Variants in PPP1R14C observed in about 807,000 individuals in gnomAD.
PPP1R14C encodes protein phosphatase 1 regulatory inhibitor subunit 14C.
Under a neutral mutation model 20.4 loss-of-function variants are expected in PPP1R14C, and 16 were observed. That is an observed-to-expected ratio of 0.78 (90% CI 0.53 to 1.19). The LOEUF is 1.19. PPP1R14C is among the 50% of genes most tolerant of loss of function. The pLI, the probability that PPP1R14C is intolerant of heterozygous loss-of-function variation, is 0.00. For synonymous variants in PPP1R14C, 91 were observed against 91.0 expected, an observed-to-expected ratio of 1.00 and a Z score of 0.00; for missense variants, 211 against 220.1, an observed-to-expected ratio of 0.96 and a Z score of 0.26.
intron 3 of PPP1R14C, among the ~76,000 whole-genome samples, chr6:150,221,808 AT>A (rs11347707): frequency 0.12 from 17,858 of 151,802 alleles, 1,979 homozygotes; most frequent in African/African-American, 0.29. Context: ...TTTTATTTTA[AT>A]TTTTTTTGAG....
At chr6:150,169,381 G>T (rs1264621917) in intron 1 of PPP1R14C, among the ~76,000 whole-genome samples, 2 of 151,704 alleles carry the variant, frequency 1.3e-5, no homozygotes, top group African/African-American at 4.8e-5. Flanking sequence ...AAGTAGAAGA[G>T]GAAAAAAAAT....
At position 150,143,947 on chromosome 6, in the gene PPP1R14C, G is replaced by A. The variant is rs1038317408; in HGVS notation, c.306+449G>A. On this transcript the variant is annotated intron_variant, in intron 1 of 3. Transcript: ENST00000361131. The surrounding 1 kb of genome is among the most constrained non-coding windows in gnomAD (Gnocchi z 5.6). Reference sequence around the variant, plus strand: ...CTGATTTTTGTGGAGAACGAGCAGGGAAGGAAGGAAGCTGCCTCGTGGAAA... The same window carrying A: ...CTGATTTTTGTGGAGAACGAGCAGGAAAGGAAGGAAGCTGCCTCGTGGAAA... Among the ~76,000 whole-genome samples the A allele has an allele frequency of 1.3e-5, 2 of 152,202 alleles. No homozygotes were observed. The highest frequency in any genetic ancestry group is 4.8e-5 in the African/African-American group (2 of 41,462).
rs150362008 is a variant in PPP1R14C, at chr6:150,231,188, C to T, written c.423+14332C>T. Among the ~76,000 whole-genome samples, 154 of 152,310 alleles carry T rather than the reference C, an allele frequency of 1.0e-3. 2 individuals are homozygous for T. The highest frequency in any genetic ancestry group is 3.4e-3 in the African/African-American group (142 of 41,576). ...GACCTTGTGTTTTCATGGCCGCTGC[C>T]GCATCCCCTCCGAAACGTGTTTGGA... On this transcript the variant is annotated intron_variant, in intron 3 of 3. Coordinates refer to ENST00000361131, the MANE Select transcript of PPP1R14C (RefSeq NM_030949.3).
chr6:150,205,770 C>T (rs78296776), intron 1 of PPP1R14C, among the ~76,000 whole-genome samples: 15,845 of 144,320 alleles, frequency 0.11, 892 homozygotes, highest in Middle Eastern at 0.21. Flanking sequence ...CCATCCTGGG[C>T]GACAGAATGA....
intron 1 of PPP1R14C, among the ~76,000 whole-genome samples, chr6:150,181,778 C>T (rs1777624247): frequency 6.6e-6 from 1 of 152,146 alleles, no homozygotes; most frequent in Non-Finnish European, 1.5e-5. Flanking sequence ...ACATAGCATA[C>T]TTTTTGTGTA....
At chr6:150,149,122 A>G (rs1777212991) in intron 1 of PPP1R14C, among the ~76,000 whole-genome samples, 1 of 152,188 alleles carries the variant, frequency 6.6e-6, no homozygotes, top group African/African-American at 2.4e-5. Context: ...AGGAAAGAAA[A>G]CTGCTTAACA....
intron 3 of PPP1R14C, among the ~76,000 whole-genome samples, chr6:150,235,686 C>T (rs537082481): frequency 3.3e-5 from 5 of 152,132 alleles, no homozygotes; most frequent in African/African-American, 1.2e-4. Context: ...TTCCTTTCCT[C>T]CTTCCCCTCC....
intron 1 of PPP1R14C, among the ~76,000 whole-genome samples, chr6:150,161,832 CA>C (rs1445436139): frequency 6.6e-6 from 1 of 152,182 alleles, no homozygotes; most frequent in Non-Finnish European, 1.5e-5. Context: ...ATTGTTTTGT[CA>C]CATTCTGCAT....
intron 1 of PPP1R14C, among the ~76,000 whole-genome samples, chr6:150,183,916 G>A (rs965946277): frequency 2.6e-5 from 4 of 152,234 alleles, no homozygotes; most frequent in African/African-American, 9.6e-5. Flanking sequence ...ACATCTGAGA[G>A]AAACAGCAGA....
At chr6:150,209,947 G>A (rs1778002211) in intron 1 of PPP1R14C, among the ~76,000 whole-genome samples, 1 of 151,828 alleles carries the variant, frequency 6.6e-6, no homozygotes, top group East Asian at 1.9e-4. Flanking sequence ...GTGTGTATGA[G>A]TGGTGTGGAT....
At chr6:150,240,833 C>T (rs976469660) in intron 3 of PPP1R14C, among the ~76,000 whole-genome samples, 1 of 152,224 alleles carries the variant, frequency 6.6e-6, no homozygotes, top group African/African-American at 2.4e-5. Context: ...CCTGCCTTAA[C>T]ATTGTAATAT....
chr6:150,165,127 A>C (rs1202649636), intron 1 of PPP1R14C, among the ~76,000 whole-genome samples: 1 of 152,254 alleles, frequency 6.6e-6, no homozygotes, highest in Non-Finnish European at 1.5e-5. Flanking sequence ...AAACTGACTA[A>C]GACAGGAGAC....
chr6:150,213,345 TAACACACA>T (rs752345433), intron 1 of PPP1R14C, among the ~76,000 whole-genome samples: 4 of 109,842 alleles, frequency 3.6e-5, no homozygotes, highest in African/African-American at 1.5e-4. Flanking sequence ...TTTTGTGTTG[TAACACACA>T]CACACACACA....
chr6:150,218,144 C>T (rs1778117963), intron 3 of PPP1R14C, among the ~76,000 whole-genome samples: 3 of 152,130 alleles, frequency 2.0e-5, no homozygotes, highest in Admixed American at 6.5e-5. Context: ...TGGCTCATGC[C>T]TGTGATCACA....
chr6:150,204,296 A>G lies in PPP1R14C; in HGVS notation c.307-10448A>G, dbSNP rs535818521. Among the ~76,000 whole-genome samples, 5 of 152,360 alleles carry G rather than the reference A, an allele frequency of 3.3e-5. No homozygotes were observed. The East Asian group carries it at 9.6e-4, about 29-fold the overall frequency. On this transcript the variant is annotated intron_variant, in intron 1 of 3. Coordinates refer to ENST00000361131, the MANE Select transcript of PPP1R14C (RefSeq NM_030949.3). ...CGTCACGGGGGCATTGTTAACAACC[A>G]GCTGTGCGTGTTTAGTGTTCATAAG...
intron 3 of PPP1R14C, among the ~76,000 whole-genome samples, chr6:150,223,934 C>A (rs540740745): frequency 4.6e-5 from 7 of 152,274 alleles, no homozygotes; most frequent in African/African-American, 1.7e-4. Context: ...AACACAAGAT[C>A]ATTTAGATTT....
chr6:150,241,125 A>G, intron 3 of PPP1R14C, among the ~76,000 whole-genome samples: 1 of 152,018 alleles, frequency 6.6e-6, no homozygotes, highest in East Asian at 1.9e-4. Flanking sequence ...CCCTACCCCC[A>G]TCCTCCAAAA....
intron 1 of PPP1R14C, among the ~76,000 whole-genome samples, chr6:150,182,567 T>C (rs1168154631): frequency 6.6e-6 from 1 of 152,174 alleles, no homozygotes; most frequent in Non-Finnish European, 1.5e-5. Flanking sequence ...AGGGCTTCAC[T>C]ATGTGAATTT....
chr6:150,147,675 C>T (rs534958980), intron 1 of PPP1R14C, among the ~76,000 whole-genome samples: 4 of 152,286 alleles, frequency 2.6e-5, no homozygotes, highest in African/African-American at 9.6e-5. Context: ...GATTGCAATG[C>T]CCGTAGCATC....
Sources: allele counts gnomAD v4.1 joint callset (sites outside exome capture counted in the v4.1 genomes callset), GRCh38; gene constraint gnomAD v4.1.1; non-coding constraint Gnocchi (gnomAD v3.1); transcripts MANE v1.5; gene names NCBI Gene and HGNC (gene_info 2026-07-23, HGNC 2026-07-21).